RBFOX3: variants seen among roughly 807,000 people sequenced by gnomAD.
The protein encoded by RBFOX3 is RNA binding fox-1 homolog 3, also known as RNA binding protein fox-1 homolog 3.
RBFOX3 carries 17 observed loss-of-function variants against 48.7 expected under a neutral mutation model. The observed-to-expected ratio is 0.35, with a 90% CI of 0.24 to 0.52. The LOEUF is 0.52. RBFOX3 is among the 20% of genes least tolerant of loss of function. The pLI, the probability that RBFOX3 is intolerant of heterozygous loss-of-function variation, is 0.94. For synonymous variants in RBFOX3, 212 were observed against 209.5 expected (o/e 1.01, Z -0.10); for missense variants, 382 against 497.5 (o/e 0.77, Z 2.21).
At chr17:79,663,340 G>A in the RBFOX3 span, among the ~76,000 whole-genome samples, 11 of 152,124 alleles carry the variant, frequency 7.2e-5, no homozygotes, top group Admixed American at 5.9e-4. Flanking sequence ...GAATCTATTC[G>A]CCTTTTCATC....
intron 3 of RBFOX3, among the ~76,000 whole-genome samples, chr17:79,267,520 A>G (rs2066919737): frequency 6.6e-6 from 1 of 152,008 alleles, no homozygotes; most frequent in African/African-American, 2.4e-5. Flanking sequence ...CCTCCCAACT[A>G]ACTGGGATTA....
At chr17:79,143,901 G>A (rs1471349306) in intron 4 of RBFOX3, among the ~76,000 whole-genome samples, 1 of 152,182 alleles carries the variant, frequency 6.6e-6, no homozygotes, top group African/African-American at 2.4e-5. Context: ...TGCTCTTCAC[G>A]GCCACCCCTG....
At chr17:79,232,542 T>C (rs1044357832) in intron 4 of RBFOX3, among the ~76,000 whole-genome samples, 9 of 152,322 alleles carry the variant, frequency 5.9e-5, no homozygotes, top group African/African-American at 1.9e-4. Context: ...GAAAGGATGA[T>C]CTTTTTAATA....
At chr17:79,474,162 G>A (rs1455077802) in intron 2 of RBFOX3, among the ~76,000 whole-genome samples, 1 of 152,108 alleles carries the variant, frequency 6.6e-6, no homozygotes, top group Non-Finnish European at 1.5e-5. Context: ...ACATCGAGGG[G>A]CCTCAGCCCC....
chr17:79,551,864 G>T (rs2091191975), intron 1 of RBFOX3, among the ~76,000 whole-genome samples: 1 of 152,158 alleles, frequency 6.6e-6, no homozygotes, highest in African/African-American at 2.4e-5. Flanking sequence ...TGTACAGCCT[G>T]CTCATGGCCA....
chr17:79,181,308 T>G (rs7225653), intron 4 of RBFOX3, among the ~76,000 whole-genome samples: 3 of 152,146 alleles, frequency 2.0e-5, no homozygotes, highest in Non-Finnish European at 4.4e-5. Context: ...ATTCCTGCCA[T>G]GCCTGGGTGG....
At chr17:79,640,855 A>G in the RBFOX3 span, among the ~76,000 whole-genome samples, 1 of 152,198 alleles carries the variant, frequency 6.6e-6, no homozygotes, top group African/African-American at 2.4e-5. Context: ...AAACTACTAG[A>G]AGAAAACATA....
At chr17:79,264,412 C>G (rs977049316) in intron 3 of RBFOX3, among the ~76,000 whole-genome samples, 4 of 151,564 alleles carry the variant, frequency 2.6e-5, no homozygotes, top group African/African-American at 9.7e-5. Context: ...ACTATGTTAT[C>G]CAGGCTGTCC....
intron 4 of RBFOX3, among the ~76,000 whole-genome samples, chr17:79,213,009 TAATGCCCAGCTA>T (rs2058580948): frequency 3.3e-5 from 5 of 151,374 alleles, no homozygotes; most frequent in Non-Finnish European, 5.9e-5. Flanking sequence ...CATGCGCCTG[TAATGCCCAGCTA>T]ATTTTTTGTA....
chr17:79,589,398 C>T (rs1314316901), intron 1 of RBFOX3, among the ~76,000 whole-genome samples: 1 of 152,128 alleles, frequency 6.6e-6, no homozygotes, highest in Non-Finnish European at 1.5e-5. Flanking sequence ...ATCACCGTCC[C>T]CTGTTTGTGC....
intron 1 of RBFOX3, among the ~76,000 whole-genome samples, chr17:79,543,759 C>T (rs2090037615): frequency 6.6e-6 from 1 of 152,220 alleles, no homozygotes; most frequent in African/African-American, 2.4e-5. Flanking sequence ...AGTTTGAATT[C>T]CACAGCACCG....
chr17:79,123,877 C>T (rs940216735), intron 4 of RBFOX3, among the ~76,000 whole-genome samples: 7 of 152,174 alleles, frequency 4.6e-5, no homozygotes, highest in Admixed American at 2.0e-4. Context: ...CACTGCCTCG[C>T]GGCCATCATC....
the RBFOX3 span, among the ~76,000 whole-genome samples, chr17:79,630,332 A>G: frequency 6.6e-6 from 1 of 152,212 alleles, no homozygotes; most frequent in Non-Finnish European, 1.5e-5. Context: ...CTAATGATGC[A>G]AACAAGTCAT....
At chr17:79,653,550 G>A in the RBFOX3 span, among the ~76,000 whole-genome samples, 433 of 152,228 alleles carry the variant, frequency 2.8e-3, 6 homozygotes, top group East Asian at 0.059. Flanking sequence ...ATAAAAACCC[G>A]ATCTACCATA....
At chr17:79,383,315 G>A (rs568555434) in intron 2 of RBFOX3, among the ~76,000 whole-genome samples, 15 of 152,320 alleles carry the variant, frequency 9.8e-5, no homozygotes, top group South Asian at 8.3e-4. Flanking sequence ...GGCTGGCCAC[G>A]TGACCACTGC....
chr17:79,570,346 G>C (rs1315457508), intron 1 of RBFOX3, among the ~76,000 whole-genome samples: 1 of 152,148 alleles, frequency 6.6e-6, no homozygotes, highest in East Asian at 1.9e-4. Context: ...ACAGATAGAT[G>C]GTGGATGGAT....
chr17:79,247,310 A>AATTTTT, intron 3 of RBFOX3, among the ~76,000 whole-genome samples: 1 of 116,560 alleles, frequency 8.6e-6, no homozygotes, highest in East Asian at 2.5e-4. Context: ...ACATAATCGT[A>AATTTTT]TTTTTTTTTT....
chr17:79,573,270 A>G (rs1336719670), intron 1 of RBFOX3, among the ~76,000 whole-genome samples: 6 of 152,188 alleles, frequency 3.9e-5, no homozygotes, highest in African/African-American at 1.2e-4. Context: ...GAGAAAGACC[A>G]AGGCCACGGG....
chr17:79,627,218 T>G, the RBFOX3 span, among the ~76,000 whole-genome samples: 4,645 of 152,280 alleles, frequency 0.031, 262 homozygotes, highest in African/African-American at 0.11. Flanking sequence ...TCAAGGACCC[T>G]GGGCTCCCAG....
Sources: allele counts gnomAD v4.1 joint callset (sites outside exome capture counted in the v4.1 genomes callset), GRCh38; gene constraint gnomAD v4.1.1; transcripts MANE v1.5; gene names NCBI Gene and HGNC (gene_info 2026-07-23, HGNC 2026-07-21).